The following EFHC2 variants were observed in gnomAD, a reference collection of about 807,000 sequenced individuals.
EFHC2 encodes EF-hand domain containing 2, also known as EF-hand domain-containing family member C2.
In EFHC2, 18 loss-of-function variants were observed where a neutral mutation model predicts 52.7. That is an observed-to-expected ratio of 0.34 (90% CI 0.24 to 0.51). EFHC2 has a LOEUF of 0.51. Ranked by LOEUF, EFHC2 falls within the 20% of genes least tolerant of loss-of-function variation. The probability of loss-of-function intolerance (pLI) is 0.97; values close to 1 mark genes in which losing one functional copy is unlikely to be tolerated. For synonymous variants in EFHC2, 203 were observed against 204.1 expected (o/e 0.99, Z 0.04); for missense variants, 513 against 562.5 (o/e 0.91, Z 0.89).
At chrX:44,286,669 G>A (rs2037750568) in intron 2 of EFHC2, among the ~76,000 whole-genome samples, 1 of 110,859 alleles carries the variant, frequency 9.0e-6, no homozygotes, top group Non-Finnish European at 1.9e-5. Flanking sequence ...TAAAAGTGAG[G>A]TAGGTGATTT....
chrX:44,162,912 T>C (rs780942924), intron 14 of EFHC2, among the ~76,000 whole-genome samples: 1 of 111,974 alleles, frequency 8.9e-6, no homozygotes, highest in South Asian at 3.8e-4. Flanking sequence ...TGTTTGTCTC[T>C]GGACCCCAGC....
chrX:44,235,513 A>C lies in EFHC2; in HGVS notation c.1281-66T>G, dbSNP rs1462935348. 17 of 1,010,510 alleles carry C rather than the reference A, an allele frequency of 1.7e-5. No individual in the cohort carries two copies. In the Admixed American group the frequency reaches 4.2e-4, roughly 25 times the overall value. 83.3% of individuals were successfully genotyped at this position (1,010,510 alleles called of 1,213,427 possible). A position where few individuals can be genotyped will look rare whatever the true frequency, so the allele number is the denominator to read the frequency against. On this transcript the variant is annotated intron_variant, in intron 8 of 14. Transcript: ENST00000420999. Reference sequence around the variant, plus strand: ...AATCTTCCACATATTATGTTTTTAAAAGTCTGCAAAAGATATAATATGGCT... The same window carrying C: ...AATCTTCCACATATTATGTTTTTAACAGTCTGCAAAAGATATAATATGGCT...
intron 2 of EFHC2, chrX:44,309,446 TCTCTA>T: frequency 8.9e-7 from 1 of 1,123,420 alleles, no homozygotes. Flanking sequence ...TCAAATGGGC[TCTCTA>T]CTCCGAAAAC....
rs1279660462 is a variant in EFHC2, at chrX:44,251,284, T to C, written c.607-839A>G. ...AAAAAAAGAATAGAGACAAACAAGT[T>C]TGAGGAAGTTTTTCATATTAAACAT... On this transcript the variant is annotated intron_variant, in intron 4 of 14. Transcript: ENST00000420999. Among the ~76,000 whole-genome samples the C allele has an allele frequency of 1.0e-4, 10 of 96,973 alleles. 1 individual carries two copies. The highest frequency in any genetic ancestry group is 1.4e-4 in the Non-Finnish European group (7 of 48,893). The allele number at this position is 96,973 out of a possible 115,157, so 84.2% of individuals were successfully genotyped here.
intron 7 of EFHC2, among the ~76,000 whole-genome samples, chrX:44,243,777 C>G (rs2037378658): frequency 9.3e-6 from 1 of 107,688 alleles, no homozygotes; most frequent in Non-Finnish European, 1.9e-5. Context: ...TCAACTATTG[C>G]TATTTTTATG....
chrX:44,269,028 A>G (rs777403703), intron 3 of EFHC2, among the ~76,000 whole-genome samples: 1 of 110,521 alleles, frequency 9.0e-6, no homozygotes, highest in South Asian at 3.9e-4. Context: ...ACCTCCTCAT[A>G]CTAATCTTCG....
intron 9 of EFHC2, 58 bp downstream of exon 9, chrX:44,235,247 A>T: frequency 1.0e-6 from 1 of 986,179 alleles, no homozygotes; most frequent in East Asian, 3.6e-5. Flanking sequence ...CTAATTTTCA[A>T]CATGAAGAGA....
At chrX:44,191,140 G>A (rs779154106) in intron 11 of EFHC2, among the ~76,000 whole-genome samples, 73 of 111,943 alleles carry the variant, frequency 6.5e-4, no homozygotes, top group Middle Eastern at 4.6e-3. Context: ...TACAATGTTC[G>A]CTCTGCAAAC....
At chrX:44,267,253 C>T (rs1169025586) in intron 3 of EFHC2, among the ~76,000 whole-genome samples, 2 of 112,078 alleles carry the variant, frequency 1.8e-5, no homozygotes, top group Non-Finnish European at 3.8e-5. Context: ...GTTTTAACTA[C>T]ATTCCAGCAG....
At chrX:44,321,650 T>C (rs1317664919) in intron 1 of EFHC2, among the ~76,000 whole-genome samples, 1 of 111,268 alleles carries the variant, frequency 9.0e-6, no homozygotes, top group Non-Finnish European at 1.9e-5. Flanking sequence ...AGAAAGCATT[T>C]GAAGGAACAC....
At chrX:44,284,338 T>C (rs2037735694) in intron 2 of EFHC2, 1 of 111,458 alleles carries the variant, frequency 9.0e-6, no homozygotes, top group Non-Finnish European at 1.9e-5. Context: ...ATTCCAAACG[T>C]AGCTCCTATA....
intron 11 of EFHC2, among the ~76,000 whole-genome samples, chrX:44,194,314 A>G (rs1017057280): frequency 2.5e-4 from 28 of 111,709 alleles, no homozygotes; most frequent in Non-Finnish European, 2.4e-4. Context: ...TGGGCTGAGA[A>G]TCAAATCTGA....
chrX:44,216,128 C>T (rs1323525653), intron 11 of EFHC2, among the ~76,000 whole-genome samples: 1 of 112,306 alleles, frequency 8.9e-6, no homozygotes, highest in Non-Finnish European at 1.9e-5. Context: ...CCCTGGAAGG[C>T]ATTGATGTAT....
At chrX:44,150,038 A>G (rs766612350) in intron 14 of EFHC2, among the ~76,000 whole-genome samples, 11 of 112,100 alleles carry the variant, frequency 9.8e-5, no homozygotes, top group African/African-American at 3.2e-4. Context: ...ATATGCCTCA[A>G]TGGTTAATTA....
chrX:44,202,949 G>T (rs1249447506), intron 11 of EFHC2, among the ~76,000 whole-genome samples: 1 of 110,838 alleles, frequency 9.0e-6, no homozygotes, highest in African/African-American at 3.3e-5. Flanking sequence ...GGAGAGACGG[G>T]TCATCTCTCA....
At chrX:44,184,549 C>G (rs2036859008) in intron 11 of EFHC2, among the ~76,000 whole-genome samples, 1 of 110,817 alleles carries the variant, frequency 9.0e-6, no homozygotes, top group Admixed American at 9.6e-5. Context: ...ATGGCAAAAC[C>G]CCGTCTCTAC....
chrX:44,167,593 C>T (rs1455773905), intron 13 of EFHC2, among the ~76,000 whole-genome samples: 1 of 112,152 alleles, frequency 8.9e-6, no homozygotes, highest in Admixed American at 9.4e-5. Context: ...GTATACATAG[C>T]TCAGAAATAA....
At chrX:44,271,429 G>A (rs1287403904) in intron 3 of EFHC2, among the ~76,000 whole-genome samples, 1 of 111,352 alleles carries the variant, frequency 9.0e-6, no homozygotes, top group Non-Finnish European at 1.9e-5. Flanking sequence ...AAAGTAAAAG[G>A]AGTATATATT....
chrX:44,317,167 G>A (rs1369417612), intron 1 of EFHC2, among the ~76,000 whole-genome samples: 2 of 111,872 alleles, frequency 1.8e-5, no homozygotes, highest in Non-Finnish European at 3.8e-5. Context: ...TGGGTAGAAT[G>A]AGTAGGGAGG....
Sources: gnomAD v4.1 joint callset for allele counts (sites outside exome capture counted in the v4.1 genomes callset) on GRCh38, gnomAD v4.1.1 for gene constraint, MANE v1.5 for transcripts, NCBI Gene and HGNC (gene_info 2026-07-23, HGNC 2026-07-21) for gene names.